The following PHF20 variants were observed in gnomAD, a reference collection of about 807,000 sequenced individuals.
PHF20 encodes the protein glioma-expressed antigen 2.
In PHF20, 23 loss-of-function variants were observed where a neutral mutation model predicts 113.5. The observed-to-expected ratio is 0.20, with a 90% CI of 0.15 to 0.29. The LOEUF (loss-of-function observed/expected upper bound fraction) is 0.29, where lower values mean the gene tolerates loss of function less well. Ranked by LOEUF, PHF20 falls within the 10% of genes least tolerant of loss-of-function variation. The pLI is 1.00. For synonymous variants in PHF20, 434 were observed against 457.3 expected (o/e 0.95, Z 0.65); for missense variants, 943 against 1,219.6 (o/e 0.77, Z 3.38).
intron 13 of PHF20, among the ~76,000 whole-genome samples, chr20:35,924,033 G>A (rs1249546657): frequency 6.6e-6 from 1 of 152,050 alleles, no homozygotes; most frequent in Non-Finnish European, 1.5e-5. Flanking sequence ...TAGGATTACA[G>A]GTGTGAGCCA....
At chr20:35,834,755 G>A (rs371485183) in intron 2 of PHF20, among the ~76,000 whole-genome samples, 12 of 152,144 alleles carry the variant, frequency 7.9e-5, no homozygotes, top group African/African-American at 2.2e-4. Context: ...ACTCAGGAAT[G>A]TTTGTTGAAT....
chr20:35,926,230 ATTTT>A (rs1186510585), intron 13 of PHF20, among the ~76,000 whole-genome samples: 1 of 52,968 alleles, frequency 1.9e-5, no homozygotes, highest in Admixed American at 3.5e-4. Flanking sequence ...ACAGACTTTC[ATTTT>A]TTTTTTTTTT....
At chr20:35,844,961 T>C (rs1330152370) in intron 3 of PHF20, among the ~76,000 whole-genome samples, 1 of 152,188 alleles carries the variant, frequency 6.6e-6, no homozygotes, top group East Asian at 1.9e-4. Flanking sequence ...GCCACTGCCA[T>C]ATGATACACA....
intron 17 of PHF20, among the ~76,000 whole-genome samples, chr20:35,947,096 A>G (rs367997853): frequency 1.3e-5 from 2 of 152,356 alleles, no homozygotes; most frequent in South Asian, 2.1e-4. Context: ...GCCTCTGGCA[A>G]TGTGTGGCTG....
chr20:35,831,600 G>A (rs1250624832), intron 2 of PHF20, among the ~76,000 whole-genome samples: 1 of 152,108 alleles, frequency 6.6e-6, no homozygotes, highest in Admixed American at 6.6e-5. Flanking sequence ...AAGTAGCTAG[G>A]ACTACAGGCC....
chr20:35,783,852 A>G (rs1382509760), intron 1 of PHF20, among the ~76,000 whole-genome samples: 1 of 151,866 alleles, frequency 6.6e-6, no homozygotes, highest in Admixed American at 6.6e-5. Context: ...GCATGGTGGC[A>G]CATGCCTGTA....
chr20:35,810,208 G>A (rs1372191047), intron 2 of PHF20, among the ~76,000 whole-genome samples: 1 of 152,136 alleles, frequency 6.6e-6, no homozygotes, highest in Admixed American at 6.6e-5. Context: ...GGGATTATAG[G>A]CATGAGCCAC....
intron 2 of PHF20, among the ~76,000 whole-genome samples, chr20:35,804,148 C>T (rs1049724960): frequency 6.6e-6 from 1 of 151,312 alleles, no homozygotes; most frequent in African/African-American, 2.4e-5. Context: ...AATCTTGGCT[C>T]ATTGCAACAT....
At chr20:35,773,043 A>G (rs1192552234) in intron 1 of PHF20, among the ~76,000 whole-genome samples, 1 of 152,176 alleles carries the variant, frequency 6.6e-6, no homozygotes. Flanking sequence ...AGACTGTATT[A>G]TTGGGGTTAC....
intron 5 of PHF20, among the ~76,000 whole-genome samples, chr20:35,860,380 A>G (rs1010781071): frequency 6.6e-6 from 1 of 151,522 alleles, no homozygotes; most frequent in Non-Finnish European, 1.5e-5. Context: ...AGCCGGGACT[A>G]CAGGCATGCA....
chr20:35,817,660 T>C (rs1403364485), intron 2 of PHF20, among the ~76,000 whole-genome samples: 1 of 152,026 alleles, frequency 6.6e-6, no homozygotes, highest in African/African-American at 2.4e-5. Flanking sequence ...AGCTGGGTGT[T>C]GGTAGCTCCT....
chr20:35,861,523 G>A (rs1364069356), intron 5 of PHF20, among the ~76,000 whole-genome samples: 1 of 152,142 alleles, frequency 6.6e-6, no homozygotes, highest in African/African-American at 2.4e-5. Context: ...GTAGTATTCT[G>A]TAATATGTAT....
intron 17 of PHF20, among the ~76,000 whole-genome samples, chr20:35,944,076 T>C (rs967010067): frequency 6.6e-6 from 1 of 152,184 alleles, no homozygotes; most frequent in Non-Finnish European, 1.5e-5. Flanking sequence ...TGAACAGAAT[T>C]TTTTCCTCTG....
intron 2 of PHF20, among the ~76,000 whole-genome samples, chr20:35,812,633 T>C: frequency 6.6e-6 from 1 of 152,108 alleles, no homozygotes; most frequent in Non-Finnish European, 1.5e-5. Context: ...AGTGTTTCAG[T>C]GGTAATGCCG....
intron 2 of PHF20, among the ~76,000 whole-genome samples, chr20:35,838,052 T>C (rs1205822174): frequency 6.6e-6 from 1 of 151,982 alleles, no homozygotes; most frequent in Non-Finnish European, 1.5e-5. Flanking sequence ...CCCAATAAAG[T>C]TTTTTTTGAA....
chr20:35,871,660 G>A lies in PHF20; in HGVS notation c.1113G>A (p.Lys371=). Residue 371 remains lysine, a synonymous_variant, in exon 9 of 18, where the codon AAG becomes AAA. Transcript: ENST00000374012. ...CTTTTTTTCTTCTAGGTCAGTTGAA[G>A]TCTGCTTTGGAAGCTGGCCAGGTCT... is the stretch of plus-strand genomic sequence containing the variant. ...STKESEEGQL[K]SALEAGQVSS... is the part of the protein sequence containing the mutation. 1 of 1,594,060 alleles carries A rather than the reference G, an allele frequency of 6.3e-7. No homozygotes were observed. The highest frequency in any genetic ancestry group is 2.2e-5 in the East Asian group (1 of 44,576).
At chr20:35,814,170 T>C (rs2042026635) in intron 2 of PHF20, among the ~76,000 whole-genome samples, 1 of 151,986 alleles carries the variant, frequency 6.6e-6, no homozygotes, top group Admixed American at 6.6e-5. Context: ...TAGATGGGGG[T>C]AAGAAATCTA....
At chr20:35,825,437 C>G (rs2042243650) in intron 2 of PHF20, among the ~76,000 whole-genome samples, 1 of 152,134 alleles carries the variant, frequency 6.6e-6, no homozygotes, top group South Asian at 2.1e-4. Flanking sequence ...TTTGCACTCC[C>G]TCCTCAGGCT....
chr20:35,934,239 C>A (rs2055820803), intron 15 of PHF20, among the ~76,000 whole-genome samples: 1 of 152,166 alleles, frequency 6.6e-6, no homozygotes, highest in Non-Finnish European at 1.5e-5. Flanking sequence ...CACACAGAGG[C>A]CTGGCTTCAA....
Sources: gnomAD v4.1 joint callset for allele counts (sites outside exome capture counted in the v4.1 genomes callset) on GRCh38, gnomAD v4.1.1 for gene constraint, MANE v1.5 for transcripts, NCBI Gene and HGNC (gene_info 2026-07-23, HGNC 2026-07-21) for gene names.